Variants in ADGRB3 observed in about 807,000 individuals in gnomAD.
The protein encoded by ADGRB3 is brain-specific angiogenesis inhibitor 3.
Under a neutral mutation model 193.4 loss-of-function variants are expected in ADGRB3, and 37 were observed. The observed-to-expected ratio is 0.19, with a 90% CI of 0.15 to 0.25. The LOEUF is 0.25. ADGRB3 is among the 10% of genes least tolerant of loss of function. The pLI is 1.00. For missense variants in ADGRB3, 1,637 were observed against 1,852.9 expected, an observed-to-expected ratio of 0.88 and a Z score of 2.14; for synonymous variants, 690 against 644.2, an observed-to-expected ratio of 1.07 and a Z score of -1.08.
intron 3 of ADGRB3, among the ~76,000 whole-genome samples, chr6:68,929,962 G>C (rs960176570): frequency 1.3e-5 from 2 of 151,654 alleles, no homozygotes; most frequent in Non-Finnish European, 2.9e-5. Flanking sequence ...ATTAGAAAAG[G>C]GGGGAGGAAT....
At chr6:68,880,756 T>C (rs74630715) in intron 3 of ADGRB3, among the ~76,000 whole-genome samples, 3 of 126,098 alleles carry the variant, frequency 2.4e-5, no homozygotes, top group African/African-American at 9.3e-5. Flanking sequence ...AACAGAGCTA[T>C]TGTCCCCCAA....
chr6:69,135,509 A>G (rs1358110350), intron 17 of ADGRB3, among the ~76,000 whole-genome samples: 1 of 152,062 alleles, frequency 6.6e-6, no homozygotes, highest in Admixed American at 6.5e-5. Flanking sequence ...GGAAAAAGCT[A>G]TACATGCATT....
At chr6:68,972,513 A>C (rs72906768) in intron 8 of ADGRB3, among the ~76,000 whole-genome samples, 5,410 of 152,270 alleles carry the variant, frequency 0.036, 131 homozygotes, top group Non-Finnish European at 0.052. Context: ...AATATGTAAT[A>C]AAGTTTGGAA....
At chr6:68,647,969 G>A (rs1187166209) in intron 3 of ADGRB3, among the ~76,000 whole-genome samples, 2 of 151,992 alleles carry the variant, frequency 1.3e-5, no homozygotes, top group Non-Finnish European at 2.9e-5. Context: ...AAAATGGTTA[G>A]CATCAATTTG....
chr6:68,741,450 A>G (rs1206119104), intron 3 of ADGRB3, among the ~76,000 whole-genome samples: 1 of 152,084 alleles, frequency 6.6e-6, no homozygotes, highest in Non-Finnish European at 1.5e-5. Context: ...TGATCATGCC[A>G]TCATGGCTCA....
intron 17 of ADGRB3, among the ~76,000 whole-genome samples, chr6:69,116,089 G>A (rs778040430): frequency 1.1e-4 from 17 of 152,122 alleles, no homozygotes; most frequent in Non-Finnish European, 2.1e-4. Context: ...CTGGTACCTC[G>A]GATAGGATTT....
At chr6:69,259,799 T>A (rs1766882047) in intron 20 of ADGRB3, among the ~76,000 whole-genome samples, 1 of 151,958 alleles carries the variant, frequency 6.6e-6, no homozygotes, top group African/African-American at 2.4e-5. Context: ...AACAAATATG[T>A]AAAATATTAA....
intron 6 of ADGRB3, among the ~76,000 whole-genome samples, chr6:68,954,925 C>T (rs1028580221): frequency 2.0e-5 from 3 of 152,138 alleles, no homozygotes; most frequent in Admixed American, 2.0e-4. Context: ...TTTTGATCCG[C>T]CTGCCTCAGC....
chr6:68,963,150 G>A (rs952426029), intron 8 of ADGRB3, among the ~76,000 whole-genome samples: 1 of 152,146 alleles, frequency 6.6e-6, no homozygotes, highest in African/African-American at 2.4e-5. Flanking sequence ...CTTCCAGTAA[G>A]GGAGGAGCAG....
At chr6:69,289,846 C>T (rs938869340) in intron 20 of ADGRB3, among the ~76,000 whole-genome samples, 2 of 151,570 alleles carry the variant, frequency 1.3e-5, no homozygotes. Context: ...TCTCGTTTGC[C>T]GCCATATCAC....
intron 13 of ADGRB3, among the ~76,000 whole-genome samples, chr6:69,047,637 A>G (rs1771275945): frequency 6.6e-6 from 1 of 152,038 alleles, no homozygotes; most frequent in South Asian, 2.1e-4. Context: ...CATTATTGGT[A>G]CCTTTATTAT....
intron 29 of ADGRB3, among the ~76,000 whole-genome samples, chr6:69,370,997 G>A (rs79287749): frequency 0.033 from 5,019 of 152,080 alleles, 271 homozygotes; most frequent in African/African-American, 0.11. Flanking sequence ...ATGCCTGGAT[G>A]TCACCACGGC....
intron 29 of ADGRB3, among the ~76,000 whole-genome samples, chr6:69,371,479 A>G (rs1472393627): frequency 6.6e-6 from 1 of 152,038 alleles, no homozygotes; most frequent in Non-Finnish European, 1.5e-5. Context: ...AAAGGTTTGT[A>G]TATTTTTCCA....
intron 3 of ADGRB3, among the ~76,000 whole-genome samples, chr6:68,878,534 A>G (rs1355000727): frequency 6.6e-6 from 1 of 152,212 alleles, no homozygotes; most frequent in East Asian, 1.9e-4. Context: ...TGCTATTTAC[A>G]TTAAGAAAAC....
chr6:68,706,797 C>A (rs1765332267), intron 3 of ADGRB3, among the ~76,000 whole-genome samples: 1 of 152,082 alleles, frequency 6.6e-6, no homozygotes, highest in Admixed American at 6.5e-5. Context: ...CTACCCATAG[C>A]TAGTCGTTTA....
intron 20 of ADGRB3, among the ~76,000 whole-genome samples, chr6:69,261,944 G>A (rs944325422): frequency 1.3e-5 from 2 of 151,962 alleles, no homozygotes; most frequent in Admixed American, 6.6e-5. Context: ...TGATTAGAGG[G>A]TCTGTCTTTA....
At chr6:69,331,541 T>C (rs1415731473) in intron 23 of ADGRB3, 11 of 985,366 alleles carry the variant, frequency 1.1e-5, no homozygotes, top group Non-Finnish European at 1.2e-5. Flanking sequence ...TTAAGCTTGT[T>C]CTCCCTCAAC....
chr6:69,086,752 A>G (rs1772561826), intron 17 of ADGRB3, among the ~76,000 whole-genome samples: 1 of 152,170 alleles, frequency 6.6e-6, no homozygotes, highest in South Asian at 2.1e-4. Context: ...TATTGATTAG[A>G]CATATATCAT....
chr6:69,095,441 G>A (rs1772845723), intron 17 of ADGRB3, among the ~76,000 whole-genome samples: 1 of 151,944 alleles, frequency 6.6e-6, no homozygotes, highest in African/African-American at 2.4e-5. Context: ...TATATGTGGA[G>A]GAAAGCATCA....
Sources: gnomAD v4.1 joint callset for allele counts (sites outside exome capture counted in the v4.1 genomes callset) on GRCh38, gnomAD v4.1.1 for gene constraint, MANE v1.5 for transcripts, NCBI Gene and HGNC (gene_info 2026-07-23, HGNC 2026-07-21) for gene names.